The following ZNF655 variants were observed in gnomAD, a reference collection of about 807,000 sequenced individuals.
The protein encoded by ZNF655 is Vav-interacting Kruppel-like protein 1.
In ZNF655, 3 loss-of-function variants were observed where a neutral mutation model predicts 6.6. That is an observed-to-expected ratio of 0.46 (90% CI 0.21 to 1.18). The LOEUF (loss-of-function observed/expected upper bound fraction) is 1.18. ZNF655 is among the 50% of genes most tolerant of loss of function. ZNF655 has a pLI of 0.24. For synonymous variants in ZNF655, 178 were observed against 195.0 expected (o/e 0.91, Z 0.73); for missense variants, 526 against 572.3 (o/e 0.92, Z 0.83).
chr7:99,560,156 C>G (rs1803002029), intron 1 of ZNF655, among the ~76,000 whole-genome samples: 1 of 149,406 alleles, frequency 6.7e-6, no homozygotes. Context: ...GCAATCTTGG[C>G]TCACTGCCAC....
chr7:99,573,341 T>G lies in ZNF655; in HGVS notation c.1233T>G (p.Asn411Lys), dbSNP rs1804223647. 1.2e-6 allele frequency: 2 copies of G among 1,614,156 alleles called. No homozygotes were observed. The highest frequency in any genetic ancestry group is 4.5e-5 in the East Asian group (2 of 44,878). Residue 411 changes from asparagine to lysine, a missense_variant, in exon 3 of 3, where the codon AAT becomes AAG. Physicochemically the swap from Asn to Lys is moderately conservative, Grantham distance 94 (BLOSUM62 0). Transcript: ENST00000252713. ...CAGGAGAGAAAGCACATGAATGTAA[T>G]GAATGTGGAAAAGCTTTCAGTCAAA... ...IHTGEKAHECNECGKAFSQTS... is the reference protein window; with the variant it reads ...IHTGEKAHECKECGKAFSQTS...
At position 99,573,569 on chromosome 7, in the gene ZNF655, C is replaced by G. The variant is rs143623529; in HGVS notation, c.1461C>G (p.Thr487=). 195 of 1,600,810 alleles carry G rather than the reference C, an allele frequency of 1.2e-4. No individual in the cohort carries two copies. Among genetic ancestry groups the G allele is most frequent in the Non-Finnish European group, 1.6e-4 (190 of 1,177,760 alleles). ...AHLVQHQSIH[T]KENS is the part of the protein sequence containing the mutation. ...TAGTTCAACATCAGAGCATTCATAC[C>G]AAAGAGAACTCATGAATGTAATGAA... Residue 487 remains threonine, a synonymous_variant, in exon 3 of 3, where the codon ACC becomes ACG. Transcript: ENST00000252713.
At chr7:99,563,963 C>G in intron 2 of ZNF655, 1 of 1,613,918 alleles carries the variant, frequency 6.2e-7, no homozygotes, top group East Asian at 2.2e-5. Flanking sequence ...AAACACTTGC[C>G]GTCCTTACAG....
intron 2 of ZNF655, among the ~76,000 whole-genome samples, chr7:99,568,795 G>A (rs1294118202): frequency 6.6e-6 from 1 of 151,288 alleles, no homozygotes; most frequent in Admixed American, 6.6e-5. Flanking sequence ...TTGATTGACT[G>A]ACTGACTGAC....
At chr7:99,559,464 G>A (rs1802906827) in intron 1 of ZNF655, among the ~76,000 whole-genome samples, 1 of 152,098 alleles carries the variant, frequency 6.6e-6, no homozygotes, top group Admixed American at 6.6e-5. Context: ...TTGGGAGGCC[G>A]AAGTGGGAGG....
At chr7:99,562,508 T>C in intron 2 of ZNF655, 1 of 1,604,526 alleles carries the variant, frequency 6.2e-7, no homozygotes, top group Non-Finnish European at 8.5e-7. Context: ...AGGACTTCCT[T>C]ATTATTCGGT....
chr7:99,560,659 G>A lies in ZNF655; in HGVS notation c.100G>A (p.Val34Met). The A allele has an allele frequency of 6.2e-7, 1 of 1,614,138 alleles. No homozygotes were observed. Among genetic ancestry groups the A allele is most frequent in the Non-Finnish European group, 8.5e-7 (1 of 1,180,010 alleles). The change falls in exon 2 of 3, where the codon GTG (valine) becomes ATG (methionine). Residue 34 changes from valine (V) to methionine (M), a missense_variant. Transcript: ENST00000252713. ...GTGTCTGTCCCCAGAGCCTCAGTTTGTGCAGGACACCGACATGGAACAGGG... is the reference window on the plus strand; with the variant it reads ...GTGTCTGTCCCCAGAGCCTCAGTTTATGCAGGACACCGACATGGAACAGGG... ...SECLSPEPQF[V>M]QDTDMEQGLT...
chr7:99,561,194 C>A (rs1424390212), intron 2 of ZNF655, among the ~76,000 whole-genome samples: 2 of 152,186 alleles, frequency 1.3e-5, no homozygotes, highest in Non-Finnish European at 2.9e-5. Context: ...GAACACAATG[C>A]CTGTATGAAT....
At chr7:99,569,210 T>C (rs1321013968) in intron 2 of ZNF655, among the ~76,000 whole-genome samples, 1 of 152,214 alleles carries the variant, frequency 6.6e-6, no homozygotes, top group African/African-American at 2.4e-5. Context: ...CAATATTTTA[T>C]AAATCATATT....
chr7:99,571,184 G>A (rs537895249), intron 2 of ZNF655: 1 of 1,217,620 alleles, frequency 8.2e-7, no homozygotes, highest in South Asian at 1.3e-5. Context: ...GTTTTCTTAT[G>A]TGTACTGAAA....
chr7:99,563,794 G>A (rs1483269964), intron 2 of ZNF655: 4 of 1,551,568 alleles, frequency 2.6e-6, no homozygotes, highest in African/African-American at 1.4e-5. Context: ...TCTTATTTGT[G>A]GGGAGGCAGG....
At position 99,574,076 on chromosome 7, in the gene ZNF655, AAG is replaced by A. The variant is rs1348605389; in HGVS notation, c.*496_*497del. On this transcript the variant is annotated 3_prime_UTR_variant, in exon 3 of 3. Coordinates refer to ENST00000252713, the MANE Select transcript of ZNF655 (RefSeq NM_138494.3). The stretch of plus-strand genomic sequence containing the variant: ...ATTCAACATCAAAGAATTTATACCT[AAG>A]AGAACTTATTTGGGTGTAGTAAATG... The A allele has an allele frequency of 1.3e-5, 2 of 155,390 alleles. No individual in the cohort carries two copies. The highest frequency in any genetic ancestry group is 2.9e-5 in the Non-Finnish European group (2 of 69,994). The allele number at this position is 155,390 out of a possible 1,614,324, so 9.6% of individuals were successfully genotyped here. A position where few individuals can be genotyped will look rare whatever the true frequency, so the allele number is the denominator to read the frequency against.
intron 2 of ZNF655, among the ~76,000 whole-genome samples, chr7:99,567,135 G>A (rs1402103821): frequency 1.3e-5 from 2 of 152,142 alleles, no homozygotes; most frequent in African/African-American, 4.8e-5. Context: ...GGCCAGGCTG[G>A]TCTTGAACTC....
At position 99,573,190 on chromosome 7, in the gene ZNF655, A is replaced by G. The variant is rs767991268; in HGVS notation, c.1082A>G (p.Asp361Gly). 8.1e-6 allele frequency: 13 copies of G among 1,614,050 alleles called. No homozygotes were observed. The Admixed American group carries it at 2.2e-4, about 27-fold the overall frequency. The change falls in exon 3 of 3, where the codon GAT (aspartate) becomes GGT (glycine). Residue 361 changes from aspartate (D) to glycine (G), a missense_variant. By Grantham distance (94) the Asp-to-Gly change is moderately conservative. Transcript: ENST00000252713. ...CATGAAGAGAAAGCCTATGAGTATG[A>G]TGAATATGGGTTGGCCTATATTAAA... ...VHHEEKAYEY[D>G]EYGLAYIKQQ...
chr7:99,572,651 A>G lies in ZNF655; in HGVS notation c.543A>G (p.Thr181=), dbSNP rs2151170496. 3 of 1,613,776 alleles carry G rather than the reference A, an allele frequency of 1.9e-6. No homozygotes were observed. Among genetic ancestry groups the G allele is most frequent in the East Asian group, 2.2e-5 (1 of 44,870 alleles). The change falls in exon 3 of 3, where the codon ACA becomes ACG. Residue 181 remains threonine, a synonymous_variant. Coordinates refer to ENST00000252713, the MANE Select transcript of ZNF655 (RefSeq NM_138494.3). ...GTAAACATGAACACTTAAATCTAAC[A>G]GAGGATTTTCAGAGTAGTGAATGTA... ...ASGKHEHLNL[T]EDFQSSECKE...
chr7:99,567,256 A>G (rs1323157542), intron 2 of ZNF655, among the ~76,000 whole-genome samples: 1 of 152,244 alleles, frequency 6.6e-6, no homozygotes, highest in Admixed American at 6.5e-5. Context: ...AGAGTCGGCC[A>G]GGTGCTGTGG....
At chr7:99,562,010 A>G (rs370131484) in intron 2 of ZNF655, 51 of 1,498,534 alleles carry the variant, frequency 3.4e-5, no homozygotes, top group East Asian at 3.2e-4. Flanking sequence ...CTCAGGGACT[A>G]TTGCTACTGA....
chr7:99,567,300 A>G (rs1182502619), intron 2 of ZNF655, among the ~76,000 whole-genome samples: 1 of 152,080 alleles, frequency 6.6e-6, no homozygotes, highest in African/African-American at 2.4e-5. Flanking sequence ...TTGGGAGGCC[A>G]AGGCAGGCGG....
At chr7:99,567,502 A>G (rs1427083224) in intron 2 of ZNF655, among the ~76,000 whole-genome samples, 2 of 151,628 alleles carry the variant, frequency 1.3e-5, no homozygotes, top group Admixed American at 6.6e-5. Context: ...ATTGCACTCC[A>G]GCCTGGGTGA....
Sources: allele counts gnomAD v4.1 joint callset (sites outside exome capture counted in the v4.1 genomes callset), GRCh38; gene constraint gnomAD v4.1.1; transcripts MANE v1.5; gene names NCBI Gene and HGNC (gene_info 2026-07-23, HGNC 2026-07-21).